PLAAT1: variants seen among roughly 807,000 people sequenced by gnomAD.
The protein encoded by PLAAT1 is H-REV107 protein-related protein.
A neutral mutation model predicts 16.4 loss-of-function variants in PLAAT1; 13 were observed. The observed-to-expected ratio is 0.79, with a 90% CI of 0.52 to 1.26. The LOEUF is 1.26. Ranked by LOEUF, PLAAT1 falls within the 50% of genes most tolerant of loss-of-function variation. The pLI, the probability that PLAAT1 is intolerant of heterozygous loss-of-function variation, is 0.00. For missense variants in PLAAT1, 218 were observed against 207.8 expected, an observed-to-expected ratio of 1.05 and a Z score of -0.30; for synonymous variants, 73 against 78.4, an observed-to-expected ratio of 0.93 and a Z score of 0.36.
intron 2 of PLAAT1, among the ~76,000 whole-genome samples, chr3:193,257,199 C>T (rs762684673): frequency 2.0e-5 from 3 of 152,164 alleles, no homozygotes; most frequent in Admixed American, 6.5e-5. Context: ...TAAAGAATCA[C>T]GGAGACAGAC....
intron 1 of PLAAT1, among the ~76,000 whole-genome samples, chr3:193,250,944 A>T (rs1378963472): frequency 6.6e-6 from 1 of 151,922 alleles, no homozygotes; most frequent in Non-Finnish European, 1.5e-5. Flanking sequence ...TTGTTGGCAG[A>T]GGTCTCCCAG....
intron 2 of PLAAT1, chr3:193,276,715 T>G (rs1300038078): frequency 1.4e-6 from 2 of 1,464,466 alleles, no homozygotes; most frequent in Non-Finnish European, 1.9e-6. Context: ...CTTAATTTGT[T>G]TATCTTCCTA....
chr3:193,252,989 C>T (rs775913750), intron 1 of PLAAT1, among the ~76,000 whole-genome samples: 31 of 152,210 alleles, frequency 2.0e-4, no homozygotes, highest in South Asian at 8.3e-4. Flanking sequence ...GTAGGGCTCT[C>T]ATGTTGTCCC....
At chr3:193,265,360 C>T (rs529147579) in intron 3 of PLAAT1, among the ~76,000 whole-genome samples, 1 of 152,208 alleles carries the variant, frequency 6.6e-6, no homozygotes, top group African/African-American at 2.4e-5. Flanking sequence ...AAACATTATG[C>T]CAAGTTGCCT....
intron 2 of PLAAT1, among the ~76,000 whole-genome samples, chr3:193,257,115 A>C (rs1716404491): frequency 6.6e-6 from 1 of 152,168 alleles, no homozygotes; most frequent in South Asian, 2.1e-4. Context: ...GATGACCATA[A>C]GCAGCTTTAG....
intron 1 of PLAAT1, among the ~76,000 whole-genome samples, chr3:193,250,436 A>G (rs1716148233): frequency 6.6e-6 from 1 of 152,306 alleles, no homozygotes; most frequent in South Asian, 2.1e-4. Context: ...TACTCTTGAT[A>G]GACTGCTCAC....
At chr3:193,257,043 T>A (rs924057834) in intron 2 of PLAAT1, among the ~76,000 whole-genome samples, 2 of 152,192 alleles carry the variant, frequency 1.3e-5, no homozygotes, top group Middle Eastern at 6.3e-3. Context: ...GTCACACATC[T>A]GCATTTTTTT....
intron 2 of PLAAT1, among the ~76,000 whole-genome samples, chr3:193,256,952 G>A (rs80094211): frequency 0.01 from 1,589 of 152,260 alleles, 55 homozygotes; most frequent in East Asian, 0.072. Flanking sequence ...GCATCATGGA[G>A]GGAAACTGCA....
chr3:193,275,955 G>A (rs1305697413), intron 2 of PLAAT1, among the ~76,000 whole-genome samples: 3 of 151,978 alleles, frequency 2.0e-5, no homozygotes, highest in African/African-American at 7.3e-5. Flanking sequence ...TCCTCAAATC[G>A]CTGTATAGCT....
chr3:193,276,851 T>C (rs1378659285), intron 2 of PLAAT1: 12 of 1,565,528 alleles, frequency 7.7e-6, no homozygotes, highest in Non-Finnish European at 1.1e-5. Flanking sequence ...ACAAATACCA[T>C]TATTATATTT....
intron 3 of PLAAT1, 95 bp from the exon 4 acceptor site, chr3:193,270,509 G>T: frequency 9.6e-7 from 1 of 1,046,732 alleles, no homozygotes; most frequent in East Asian, 2.5e-5. Context: ...CATTAAAACA[G>T]GTGTTCAGTT....
chr3:193,257,493 C>A (rs1464507698), intron 2 of PLAAT1, among the ~76,000 whole-genome samples: 1 of 152,098 alleles, frequency 6.6e-6, no homozygotes, highest in Admixed American at 6.6e-5. Context: ...GTCAAAAAAA[C>A]TGAAATCATA....
At chr3:193,256,412 C>T (rs1316940974) in intron 2 of PLAAT1, among the ~76,000 whole-genome samples, 4 of 152,060 alleles carry the variant, frequency 2.6e-5, no homozygotes, top group Admixed American at 6.6e-5. Flanking sequence ...GTAAAGAAAC[C>T]GGTCAGATGC....
At chr3:193,272,445 A>C (rs1560107068), downstream of PLAAT1, among the ~76,000 whole-genome samples, 1 of 141,972 alleles carries the variant, frequency 7.0e-6, no homozygotes. Flanking sequence ...ACTCCACCTC[A>C]AAAACAAAAC....
In PLAAT1 at chr3:193,241,502, G is replaced by T. The variant is rs1715744620; in HGVS notation, c.-32G>T. On this transcript the variant is annotated 5_prime_UTR_variant, in exon 1 of 4. Coordinates refer to ENST00000264735, the MANE Select transcript of PLAAT1 (RefSeq NM_020386.5). Reference sequence around the variant, plus strand: ...CCAGGACACACACAGCTGCCTCCCGGTGCGAGAAGAAGACCCCGGCTTGAG... The same window carrying T: ...CCAGGACACACACAGCTGCCTCCCGTTGCGAGAAGAAGACCCCGGCTTGAG... 1.6e-6 allele frequency: 2 copies of T among 1,231,858 alleles called. No homozygotes were observed. The highest frequency in any genetic ancestry group is 3.1e-5 in the African/African-American group (2 of 64,428). The allele number at this position is 1,231,858 out of a possible 1,614,324, so 76.3% of individuals were successfully genotyped here.
rs1268454089 is a variant in PLAAT1 at position 193,262,366 on chromosome 3, A to G, written c.140-604A>G. On this transcript the variant is annotated intron_variant, in intron 2 of 3. Coordinates refer to ENST00000264735, the MANE Select transcript of PLAAT1 (RefSeq NM_020386.5). ...CTTTTTTTTTTTTTTTTTCTGGCCA[A>G]AGGAACTGGCAGGAAAAAAGCAGGG... Among the ~76,000 whole-genome samples, 37 of 147,322 alleles carry G rather than the reference A, an allele frequency of 2.5e-4. No individual in the cohort carries two copies. The Admixed American group carries it at 2.5e-3, about 10-fold the overall frequency.
intron 1 of PLAAT1, among the ~76,000 whole-genome samples, chr3:193,251,872 A>G (rs1162712077): frequency 6.6e-6 from 1 of 152,006 alleles, no homozygotes; most frequent in Non-Finnish European, 1.5e-5. Flanking sequence ...AGGAGAAGGG[A>G]TAGTTAGGGA....
chr3:193,252,874 G>A (rs567387407), intron 1 of PLAAT1, among the ~76,000 whole-genome samples: 36 of 152,188 alleles, frequency 2.4e-4, no homozygotes, highest in African/African-American at 8.7e-4. Context: ...GTCTAAAAAT[G>A]AGGAGATTGG....
chr3:193,265,647 A>T (rs556055423), intron 3 of PLAAT1, among the ~76,000 whole-genome samples: 5 of 151,988 alleles, frequency 3.3e-5, no homozygotes, highest in Non-Finnish European at 2.9e-5. Flanking sequence ...AGATCTCAAA[A>T]TTTTTTTTTA....
Sources: allele counts gnomAD v4.1 joint callset (sites outside exome capture counted in the v4.1 genomes callset), GRCh38; gene constraint gnomAD v4.1.1; transcripts MANE v1.5; gene names NCBI Gene and HGNC (gene_info 2026-07-23, HGNC 2026-07-21).